Variants in EIF4G2 observed in about 807,000 individuals in gnomAD.
EIF4G2 encodes the protein DAP-5.
Under a neutral mutation model 117.7 loss-of-function variants are expected in EIF4G2, and 8 were observed. That is an observed-to-expected ratio of 0.07 (90% confidence interval 0.04 to 0.12). EIF4G2 has a LOEUF of 0.12. Among genes scored for constraint, EIF4G2 ranks in the 10% least tolerant of loss-of-function variants. The pLI is 1.00. For synonymous variants in EIF4G2, 413 were observed against 367.8 expected (o/e 1.12, Z -1.41); for missense variants, 812 against 1,086.2 (o/e 0.75, Z 3.55).
rs776104498 is a variant in EIF4G2 at position 10,803,051 on chromosome 11, T to A, written c.975A>T (p.Gln325His). 1 of 1,609,850 alleles carries A rather than the reference T, an allele frequency of 6.2e-7. No homozygotes were observed. Among genetic ancestry groups the A allele is most frequent in the Admixed American group, 1.7e-5 (1 of 59,890 alleles). ...TTACTTTTACTGCATCTTGACGAATTTGATTGATCGTCTTTGGTCCATTGT... is the reference window on the plus strand; with the variant it reads ...TTACTTTTACTGCATCTTGACGAATATGATTGATCGTCTTTGGTCCATTGT... Residue 325 changes from glutamine (Q) to histidine (H), a missense_variant, in exon 11 of 22, where the codon CAA (glutamine) becomes CAT (histidine). Physicochemically the swap from Gln to His is conservative, Grantham distance 24. This residue lies in a region of EIF4G2 where 154 missense variants were observed against 322.1 expected (regional missense o/e 0.48). Coordinates refer to ENST00000339995, the MANE Select transcript of EIF4G2 (RefSeq NM_001418.4). The surrounding 1 kb of genome is among the most constrained non-coding windows in gnomAD (Gnocchi z 4.0).
At position 10,801,308 on chromosome 11, in the gene EIF4G2, CTTAGAA is replaced by C. The variant is rs1847409627; in HGVS notation, c.1414-227_1414-222del. On this transcript the variant is annotated intron_variant, in intron 14 of 21. Transcript: ENST00000339995. ...GATACTATTATAAATCTTACATTCT[CTTAGAA>C]TTAGCATGACTAAAATATTCAAATA... 2.2e-5 allele frequency: 14 copies of C among 645,314 alleles called. No homozygotes were observed. The South Asian group carries it at 2.8e-4, about 13-fold the overall frequency. The allele number at this position is 645,314 out of a possible 1,614,324, so 40.0% of individuals were successfully genotyped here. A position where few individuals can be genotyped will look rare whatever the true frequency, so the allele number is the denominator to read the frequency against.
In EIF4G2 at chr11:10,797,901, A is replaced by G. The variant is rs375395198; in HGVS notation, c.2659-20T>C. 153 of 1,609,892 alleles carry G rather than the reference A, an allele frequency of 9.5e-5. No individual in the cohort carries two copies. The highest frequency in any genetic ancestry group is 1.5e-5 in the Non-Finnish European group (18 of 1,177,388). ...ATTCACCTATAAATTAAGATTTGTA[A>G]ATTAAAATAGTTCATGATATAAACA... On this transcript the variant is annotated intron_variant, in intron 21 of 21. Coordinates refer to ENST00000339995, the MANE Select transcript of EIF4G2 (RefSeq NM_001418.4). This position sits in a 1 kb window ranked among gnomAD's most constrained non-coding sequence, Gnocchi z 4.5.
At position 10,808,328 on chromosome 11, in the gene EIF4G2, G is replaced by A. The variant is rs1465219469; in HGVS notation, c.-87+377C>T. 6 of 1,203,240 alleles carry A rather than the reference G, an allele frequency of 5.0e-6. No homozygotes were observed. In the African/African-American group the frequency reaches 6.7e-5, roughly 13 times the overall value. 74.5% of individuals were successfully genotyped at this position (1,203,240 alleles called of 1,614,324 possible). On this transcript the variant is annotated intron_variant, in intron 1 of 21. Coordinates refer to ENST00000339995, the MANE Select transcript of EIF4G2 (RefSeq NM_001418.4). ...GACGCCTGCGGTTCCCTGGTCCCGCGCCAACGGCCTGGCCTTCCCTGCCGG... is the reference window on the plus strand; with the variant it reads ...GACGCCTGCGGTTCCCTGGTCCCGCACCAACGGCCTGGCCTTCCCTGCCGG...
chr11:10,797,997 C>T lies in EIF4G2; in HGVS notation c.2659-116G>A. On this transcript the variant is annotated intron_variant, in intron 21 of 21. Transcript: ENST00000339995. This position sits in a 1 kb window ranked among gnomAD's most constrained non-coding sequence, Gnocchi z 4.5. ...TATGAAACAAGGATATCCCTACCAA[C>T]AATTTGTATATTAAGTTAACGAACA... 1.1e-6 allele frequency: 1 copy of T among 875,624 alleles called. No homozygotes were observed. The allele number at this position is 875,624 out of a possible 1,614,324, so 54.2% of individuals were successfully genotyped here. A position where few individuals can be genotyped will look rare whatever the true frequency, so the allele number is the denominator to read the frequency against.
chr11:10,804,720 T>TG (rs1847511340), intron 5 of EIF4G2, 193 bp downstream of exon 5: 2 of 607,586 alleles, frequency 3.3e-6, no homozygotes, highest in Non-Finnish European at 5.7e-6. Context: ...ACCATGAACT[T>TG]AACATTTACC....
intron 4 of EIF4G2, 131 bp from the exon 5 acceptor site, chr11:10,805,146 C>T: frequency 1.4e-6 from 1 of 700,348 alleles, no homozygotes; most frequent in Non-Finnish European, 2.4e-6. Flanking sequence ...TTTTCTTACT[C>T]ATCTAAAACC....
Position 10,804,432 on chromosome 11 carries a change from C to T in EIF4G2, c.352-14G>A. 3.2e-6 allele frequency: 5 copies of T among 1,564,806 alleles called. No individual in the cohort carries two copies. The highest frequency in any genetic ancestry group is 4.3e-6 in the Non-Finnish European group (5 of 1,156,978). ...TTTGTCCACAATCTACAGAAAATGT[C>T]ATTGCTTAAACTAAATATGAAAACT... On this transcript the variant is annotated splice_polypyrimidine_tract_variant and intron_variant, in intron 5 of 21. Transcript: ENST00000339995.
chr11:10,803,717 CCAGTCT>C lies in EIF4G2; in HGVS notation c.703-133_703-128del. 1 of 1,110,830 alleles carries C rather than the reference CCAGTCT, an allele frequency of 9.0e-7. No homozygotes were observed. Among genetic ancestry groups the C allele is most frequent in the South Asian group, 1.4e-5 (1 of 69,416 alleles). 68.8% of individuals were successfully genotyped at this position (1,110,830 alleles called of 1,614,324 possible). A position where few individuals can be genotyped will look rare whatever the true frequency, so the allele number is the denominator to read the frequency against. On this transcript the variant is annotated intron_variant, in intron 8 of 21. Transcript: ENST00000339995. The surrounding 1 kb of genome is among the most constrained non-coding windows in gnomAD (Gnocchi z 4.0). Reference sequence around the variant, plus strand: ...ACAGAATCTAGTATAGGGCTTTCTACCAGTCTGGTTGATCAGTTCTAACTCTACTTT... The same window carrying C: ...ACAGAATCTAGTATAGGGCTTTCTACGGTTGATCAGTTCTAACTCTACTTT...
chr11:10,798,925 C>A, intron 21 of EIF4G2, 67 bp downstream of exon 21: 2 of 1,547,044 alleles, frequency 1.3e-6, no homozygotes, highest in East Asian at 2.3e-5. Context: ...TTGAAAAAGG[C>A]TCTTAACTTG....
chr11:10,804,801 TCTAA>T, intron 5 of EIF4G2, 108 bp downstream of exon 5: 1 of 845,416 alleles, frequency 1.2e-6, no homozygotes, highest in Non-Finnish European at 1.9e-6. Flanking sequence ...TACATACCTA[TCTAA>T]CTCACACCTA....
At chr11:10,805,679 C>T (rs535537096) in intron 4 of EIF4G2, among the ~76,000 whole-genome samples, 124 of 152,194 alleles carry the variant, frequency 8.1e-4, no homozygotes, top group African/African-American at 2.9e-3. Context: ...TCTCAAACTC[C>T]TGACCTCAAG....
At chr11:10,799,964 G>T in intron 18 of EIF4G2, 126 bp downstream of exon 18, 1 of 1,179,192 alleles carries the variant, frequency 8.5e-7, no homozygotes, top group Non-Finnish European at 1.2e-6. Flanking sequence ...TGAGATCTGT[G>T]GTAATGTTTA....
At position 10,803,177 on chromosome 11, in the gene EIF4G2, A is replaced by G; in HGVS notation, c.897+34T>C. 1 of 1,608,058 alleles carries G rather than the reference A, an allele frequency of 6.2e-7. No homozygotes were observed. Among genetic ancestry groups the G allele is most frequent in the Non-Finnish European group, 8.5e-7 (1 of 1,178,204 alleles). On this transcript the variant is annotated intron_variant, in intron 10 of 21. Coordinates refer to ENST00000339995, the MANE Select transcript of EIF4G2 (RefSeq NM_001418.4). This position sits in a 1 kb window ranked among gnomAD's most constrained non-coding sequence, Gnocchi z 4.0. Reference sequence around the variant, plus strand: ...TTTAATATTCCTAAACCAAAAACTCAGCTTACCAACAAATTTAAAGAAACC... The same window carrying G: ...TTTAATATTCCTAAACCAAAAACTCGGCTTACCAACAAATTTAAAGAAACC...
intron 15 of EIF4G2, 37 bp downstream of exon 15, chr11:10,800,925 A>C (rs182687614): frequency 2.3e-5 from 37 of 1,612,532 alleles, no homozygotes; most frequent in Non-Finnish European, 3.1e-5. Flanking sequence ...AAGTCTTCAG[A>C]TATCTTTAGA....
intron 7 of EIF4G2, 43 bp from the exon 8 acceptor site, chr11:10,804,093 G>A (rs760990100): frequency 2.5e-6 from 4 of 1,612,458 alleles, no homozygotes; most frequent in South Asian, 1.1e-5. Context: ...TCAGAATTAA[G>A]CTGAAAATAT....
Position 10,808,257 on chromosome 11 carries a change from C to A in EIF4G2, c.-87+448G>T, listed in dbSNP as rs745891373. 7.6e-6 allele frequency: 9 copies of A among 1,185,716 alleles called. No homozygotes were observed. The South Asian group carries it at 1.2e-4, about 16-fold the overall frequency. The allele number at this position is 1,185,716 out of a possible 1,614,324, so 73.4% of individuals were successfully genotyped here. The stretch of plus-strand genomic sequence containing the variant: ...CTCCCCGACGAAGGGCAGCCCCTGC[C>A]GACTCCAGGTCCTACACACCTCCCC... On this transcript the variant is annotated intron_variant, in intron 1 of 21. Coordinates refer to ENST00000339995, the MANE Select transcript of EIF4G2 (RefSeq NM_001418.4).
chr11:10,807,516 C>A, intron 1 of EIF4G2, 135 bp from the exon 2 acceptor site: 31 of 1,314,780 alleles, frequency 2.4e-5, no homozygotes, highest in Non-Finnish European at 3.0e-5. Flanking sequence ...AAAATGTACT[C>A]AAAACACTGA....
rs181518737 is a variant in EIF4G2, at chr11:10,802,836, C to T, written c.996+194G>A. On this transcript the variant is annotated intron_variant, in intron 11 of 21. Coordinates refer to ENST00000339995, the MANE Select transcript of EIF4G2 (RefSeq NM_001418.4). ...GAATCGAGAATGCGCCACTGCACTCCAGCCTGGGTGACAGTGCGAAACTCC... is the reference window on the plus strand; with the variant it reads ...GAATCGAGAATGCGCCACTGCACTCTAGCCTGGGTGACAGTGCGAAACTCC... Among the ~76,000 whole-genome samples the T allele has an allele frequency of 2.0e-5, 3 of 152,292 alleles. No homozygotes were observed. The East Asian group carries it at 5.8e-4, about 29-fold the overall frequency.
chr11:10,806,084 C>G, intron 3 of EIF4G2, 37 bp from the exon 4 acceptor site: 4 of 1,613,144 alleles, frequency 2.5e-6, no homozygotes, highest in Non-Finnish European at 3.4e-6. Flanking sequence ...CTTATTGTCA[C>G]ACACCAAATG....
Sources: allele counts gnomAD v4.1 joint callset (sites outside exome capture counted in the v4.1 genomes callset), GRCh38; gene constraint gnomAD v4.1.1; regional missense constraint gnomAD v4.1.1; non-coding constraint Gnocchi (gnomAD v3.1); transcripts MANE v1.5; gene names NCBI Gene and HGNC (gene_info 2026-07-23, HGNC 2026-07-21).